Variants in IL1RAP observed in about 807,000 individuals in gnomAD.
IL1RAP encodes interleukin-1 receptor accessory protein.
In IL1RAP, 35 loss-of-function variants were observed where a neutral mutation model predicts 60.7. The ratio of observed to expected loss-of-function variants is 0.58; its 90% CI spans 0.44 to 0.76. The LOEUF (loss-of-function observed/expected upper bound fraction) is 0.76. IL1RAP is among the 30% of genes least tolerant of loss of function. IL1RAP has a pLI of 0.00. For missense variants in IL1RAP, 572 were observed against 693.9 expected (o/e 0.82, Z 1.97); for synonymous variants, 268 against 250.9 (o/e 1.07, Z -0.64).
At chr3:190,607,395 G>A (rs776686844) in intron 4 of IL1RAP, among the ~76,000 whole-genome samples, 8 of 152,016 alleles carry the variant, frequency 5.3e-5, no homozygotes, top group Non-Finnish European at 8.8e-5. Context: ...TTATTTAGCA[G>A]TTACTGAAAG....
At chr3:190,635,907 T>G (rs1432167097) in intron 9 of IL1RAP, among the ~76,000 whole-genome samples, 3 of 152,210 alleles carry the variant, frequency 2.0e-5, no homozygotes, top group African/African-American at 7.2e-5. Context: ...CAGTGCTGGC[T>G]GTGTATATGA....
At chr3:190,533,797 C>A (rs763930132) in intron 1 of IL1RAP, among the ~76,000 whole-genome samples, 1 of 152,080 alleles carries the variant, frequency 6.6e-6, no homozygotes, top group South Asian at 2.1e-4. Context: ...GATGACACAC[C>A]CTGAAACAAG....
At chr3:190,654,560 G>C (rs1734543556), downstream of IL1RAP, among the ~76,000 whole-genome samples, 2 of 152,260 alleles carry the variant, frequency 1.3e-5, no homozygotes, top group South Asian at 4.1e-4. Context: ...TTGAGCACGT[G>C]TCTCTCCAAT....
At chr3:190,534,403 G>T (rs1421959826) in intron 1 of IL1RAP, among the ~76,000 whole-genome samples, 1 of 152,034 alleles carries the variant, frequency 6.6e-6, no homozygotes, top group African/African-American at 2.4e-5. Flanking sequence ...TTTTAAGTCA[G>T]GTCAGTCCAG....
At chr3:190,592,524 G>A (rs556147913) in intron 3 of IL1RAP, among the ~76,000 whole-genome samples, 8 of 152,186 alleles carry the variant, frequency 5.3e-5, no homozygotes, top group Non-Finnish European at 8.8e-5. Context: ...CAGCAGCTTC[G>A]TTAGACCAGG....
At chr3:190,611,179 A>G (rs1730790164) in intron 5 of IL1RAP, among the ~76,000 whole-genome samples, 1 of 152,232 alleles carries the variant, frequency 6.6e-6, no homozygotes, top group South Asian at 2.1e-4. Context: ...TAATAAATCT[A>G]GGCATCTAAG....
chr3:190,627,568 C>G, intron 8 of IL1RAP, 119 bp downstream of exon 8: 1 of 1,303,318 alleles, frequency 7.7e-7, no homozygotes, highest in Non-Finnish European at 1.0e-6. Context: ...TAACAAAAAT[C>G]GGCAAGATTT....
intron 1 of IL1RAP, among the ~76,000 whole-genome samples, chr3:190,536,084 A>G (rs1368930891): frequency 6.6e-6 from 1 of 152,034 alleles, no homozygotes; most frequent in Admixed American, 6.6e-5. Flanking sequence ...CCAGACCCCC[A>G]TATTACCAGT....
At chr3:190,654,371 T>C (rs1734536148), downstream of IL1RAP, among the ~76,000 whole-genome samples, 1 of 152,100 alleles carries the variant, frequency 6.6e-6, no homozygotes, top group African/African-American at 2.4e-5. Context: ...AGATTCTGAG[T>C]AGGACTAGAG....
At chr3:190,656,365 G>A (rs971857866), downstream of IL1RAP, 44 of 1,537,016 alleles carry the variant, frequency 2.9e-5, no homozygotes, top group East Asian at 9.8e-5. Context: ...GAAGTCCTCC[G>A]CCACCTGCCG....
chr3:190,532,604 A>G (rs965772250), intron 1 of IL1RAP, among the ~76,000 whole-genome samples: 26 of 152,176 alleles, frequency 1.7e-4, no homozygotes, highest in Admixed American at 1.7e-3. Flanking sequence ...TTGAGAGTCA[A>G]TGTGGTTAAG....
intron 1 of IL1RAP, among the ~76,000 whole-genome samples, chr3:190,546,197 A>AT (rs1191378461): frequency 6.6e-6 from 1 of 152,118 alleles, no homozygotes; most frequent in East Asian, 1.9e-4. Flanking sequence ...TCTGATTTGC[A>AT]TTTTTTTCAG....
intron 3 of IL1RAP, among the ~76,000 whole-genome samples, 185 bp from the exon 4 acceptor site, chr3:190,603,943 G>T (rs898136415): frequency 1.3e-5 from 2 of 152,078 alleles, no homozygotes; most frequent in African/African-American, 2.4e-5. Context: ...AATAAATAAT[G>T]GGGAACAGCA....
Position 190,586,877 on chromosome 3 carries a change from C to T in IL1RAP, c.65-17251C>T, listed in dbSNP as rs531514039. ...TAATTTAGACAGATGTGATCTACCC[C>T]GCTGCCTCTTGGCTGTGATATGTGC... On this transcript the variant is annotated intron_variant, in intron 3 of 11. Transcript: ENST00000447382. 1.1e-4 allele frequency among the ~76,000 whole-genome samples: 17 copies of T among 152,142 alleles called. 1 individual carries two copies. Among genetic ancestry groups the T allele is most frequent in the East Asian group, 7.7e-4 (4 of 5,178 alleles).
intron 3 of IL1RAP, among the ~76,000 whole-genome samples, chr3:190,569,798 G>GTGTTAGT (rs1726756622): frequency 6.6e-6 from 1 of 152,150 alleles, no homozygotes; most frequent in Non-Finnish European, 1.5e-5. Flanking sequence ...TCACATGGCT[G>GTGTTAGT]TGTTAGTTAA....
chr3:190,540,494 T>C (rs981018410), intron 1 of IL1RAP, among the ~76,000 whole-genome samples: 8 of 152,242 alleles, frequency 5.3e-5, no homozygotes, highest in African/African-American at 1.4e-4. Flanking sequence ...TTATTTGTTC[T>C]CATGGATACC....
chr3:190,655,569 G>GTGTA (rs1734589179), downstream of IL1RAP, among the ~76,000 whole-genome samples: 1 of 136,234 alleles, frequency 7.3e-6, no homozygotes, highest in East Asian at 2.3e-4. Flanking sequence ...GTGTGTGTGT[G>GTGTA]TGTGTGTGTG....
chr3:190,562,034 AT>A (rs1725930362), intron 2 of IL1RAP, among the ~76,000 whole-genome samples: 1 of 152,220 alleles, frequency 6.6e-6, no homozygotes. Flanking sequence ...AGGCTTTGCC[AT>A]ATTATGATTC....
chr3:190,526,156 T>C (rs1722491648), intron 1 of IL1RAP, among the ~76,000 whole-genome samples: 2 of 152,212 alleles, frequency 1.3e-5, no homozygotes, highest in Admixed American at 1.3e-4. Flanking sequence ...TTAAAATAGC[T>C]TGATAACATA....
Sources: gnomAD v4.1 joint callset for allele counts (sites outside exome capture counted in the v4.1 genomes callset) on GRCh38, gnomAD v4.1.1 for gene constraint, MANE v1.5 for transcripts, NCBI Gene and HGNC (gene_info 2026-07-23, HGNC 2026-07-21) for gene names.